The following ARHGAP15 variants were observed in gnomAD, a reference collection of about 807,000 sequenced individuals.
ARHGAP15 encodes rho GTPase-activating protein 15.
In ARHGAP15, 51 loss-of-function variants were observed where a neutral mutation model predicts 63.7. The observed-to-expected ratio is 0.80, with a 90% CI of 0.64 to 1.01. The LOEUF (loss-of-function observed/expected upper bound fraction) is 1.01. Ranked by LOEUF, ARHGAP15 falls within the 50% of genes least tolerant of loss-of-function variation. The pLI, the probability that ARHGAP15 is intolerant of heterozygous loss-of-function variation, is 0.00. For synonymous variants in ARHGAP15, 191 were observed against 193.8 expected, an observed-to-expected ratio of 0.99 and a Z score of 0.12; for missense variants, 560 against 564.6, an observed-to-expected ratio of 0.99 and a Z score of 0.08.
chr2:143,150,147 G>A (rs550489339), intron 1 of ARHGAP15, among the ~76,000 whole-genome samples: 2 of 151,952 alleles, frequency 1.3e-5, no homozygotes, highest in Admixed American at 6.6e-5. Flanking sequence ...TCTCTACTCA[G>A]CAGCATAAAG....
chr2:143,135,515 T>C (rs533060569), intron 1 of ARHGAP15, among the ~76,000 whole-genome samples: 1 of 152,300 alleles, frequency 6.6e-6, no homozygotes, highest in South Asian at 2.1e-4. Flanking sequence ...CAAAGATAAG[T>C]ATCTAAATAT....
At chr2:143,298,046 A>G (rs1234634020) in intron 6 of ARHGAP15, among the ~76,000 whole-genome samples, 2 of 151,978 alleles carry the variant, frequency 1.3e-5, no homozygotes, top group African/African-American at 2.4e-5. Context: ...CCCTGGGTTC[A>G]TAGATATCAT....
chr2:143,247,704 C>G (rs1204667795), intron 5 of ARHGAP15, among the ~76,000 whole-genome samples: 3 of 152,104 alleles, frequency 2.0e-5, no homozygotes, highest in Non-Finnish European at 4.4e-5. Context: ...GTTCAGGGAG[C>G]CCAGCACAGT....
intron 2 of ARHGAP15, chr2:143,172,012 GGCT>G (rs1437172543): frequency 6.6e-6 from 1 of 151,874 alleles, no homozygotes; most frequent in Non-Finnish European, 1.5e-5. Flanking sequence ...GCCAGCAGAT[GGCT>G]GCTTTATCCT....
At chr2:143,416,499 G>A (rs548217823) in intron 6 of ARHGAP15, among the ~76,000 whole-genome samples, 294 of 29,782 alleles carry the variant, frequency 9.9e-3, no homozygotes, top group African/African-American at 0.016. Flanking sequence ...TGGTCTCCCC[G>A]TTGTTCTTTG....
At chr2:143,365,889 T>C (rs78880812) in intron 6 of ARHGAP15, among the ~76,000 whole-genome samples, 3,049 of 152,318 alleles carry the variant, frequency 0.02, 103 homozygotes, top group African/African-American at 0.069. Flanking sequence ...AAGAACTTAA[T>C]AGAGATTAGC....
At chr2:143,575,249 A>C (rs1696632476) in intron 11 of ARHGAP15, among the ~76,000 whole-genome samples, 1 of 152,160 alleles carries the variant, frequency 6.6e-6, no homozygotes, top group African/African-American at 2.4e-5. Context: ...CTACTTTTTC[A>C]AATTTCTCCA....
intron 4 of ARHGAP15, among the ~76,000 whole-genome samples, chr2:143,222,761 C>G (rs745667744): frequency 6.6e-6 from 1 of 151,604 alleles, no homozygotes; most frequent in Admixed American, 6.6e-5. Flanking sequence ...GTTTTTTTTG[C>G]ATTTTTCCAA....
At chr2:143,207,069 A>G (rs1213338594) in intron 3 of ARHGAP15, among the ~76,000 whole-genome samples, 1 of 151,636 alleles carries the variant, frequency 6.6e-6, no homozygotes, top group Non-Finnish European at 1.5e-5. Context: ...ATTTTTATAT[A>G]ATTTTTAATT....
intron 12 of ARHGAP15, among the ~76,000 whole-genome samples, chr2:143,650,166 A>C (rs1179426190): frequency 2.0e-5 from 3 of 151,884 alleles, no homozygotes; most frequent in African/African-American, 7.2e-5. Context: ...TGAGAGATAG[A>C]TGCTGGGACT....
chr2:143,708,820 C>T (rs1684446968), intron 13 of ARHGAP15, among the ~76,000 whole-genome samples: 1 of 152,138 alleles, frequency 6.6e-6, no homozygotes, highest in African/African-American at 2.4e-5. Context: ...GAGTGATTTT[C>T]ATGATCAGAA....
chr2:143,445,927 C>A (rs532791691), intron 8 of ARHGAP15, among the ~76,000 whole-genome samples: 1 of 151,926 alleles, frequency 6.6e-6, no homozygotes, highest in East Asian at 1.9e-4. Flanking sequence ...ATACTTTTCT[C>A]TAGTGTCAGC....
intron 6 of ARHGAP15, among the ~76,000 whole-genome samples, chr2:143,307,294 G>A (rs1355724441): frequency 6.6e-6 from 1 of 152,094 alleles, no homozygotes; most frequent in Admixed American, 6.6e-5. Flanking sequence ...CAAACCACAG[G>A]AGTGATATCC....
At chr2:143,247,840 C>T (rs1216740256) in intron 5 of ARHGAP15, among the ~76,000 whole-genome samples, 2 of 152,106 alleles carry the variant, frequency 1.3e-5, no homozygotes, top group Non-Finnish European at 2.9e-5. Context: ...ACAAAGACTG[C>T]TTAACCATTT....
chr2:143,264,143 A>G (rs13002158), intron 6 of ARHGAP15, among the ~76,000 whole-genome samples: 33,455 of 151,458 alleles, frequency 0.22, 3,964 homozygotes, highest in South Asian at 0.35. Context: ...AGACCTGTTT[A>G]GGCCAAATTC....
intron 8 of ARHGAP15, among the ~76,000 whole-genome samples, chr2:143,483,251 A>C (rs1692157869): frequency 6.6e-6 from 1 of 152,218 alleles, no homozygotes; most frequent in Admixed American, 6.5e-5. Context: ...CAGAATACCT[A>C]GGGGAGTTTC....
intron 12 of ARHGAP15, among the ~76,000 whole-genome samples, chr2:143,631,755 GTTTTCCTTC>G (rs1035041491): frequency 6.6e-6 from 1 of 151,932 alleles, no homozygotes; most frequent in Admixed American, 6.6e-5. Flanking sequence ...CTATGGCTTT[GTTTTCCTTC>G]TTTTAACAGT....
chr2:143,295,956 G>GA (rs1682614976), intron 6 of ARHGAP15, among the ~76,000 whole-genome samples: 1 of 151,940 alleles, frequency 6.6e-6, no homozygotes, highest in Admixed American at 6.6e-5. Context: ...TAAGAGTTAA[G>GA]AAATGTGCCT....
At chr2:143,296,578 A>G (rs1171021441) in intron 6 of ARHGAP15, among the ~76,000 whole-genome samples, 1 of 151,954 alleles carries the variant, frequency 6.6e-6, no homozygotes, top group African/African-American at 2.4e-5. Context: ...TGAAAACCCA[A>G]TCTAGATCTC....
Sources: gnomAD v4.1 joint callset for allele counts (sites outside exome capture counted in the v4.1 genomes callset) on GRCh38, gnomAD v4.1.1 for gene constraint, MANE v1.5 for transcripts, NCBI Gene and HGNC (gene_info 2026-07-23, HGNC 2026-07-21) for gene names.